Variants in ADCY3 observed in about 807,000 individuals in gnomAD.
The protein encoded by ADCY3 is adenylate cyclase type 3.
Under a neutral mutation model 119.4 loss-of-function variants are expected in ADCY3, and 70 were observed. The ratio of observed to expected loss-of-function variants is 0.59; its 90% CI spans 0.48 to 0.72. The LOEUF is 0.72. Ranked by LOEUF, ADCY3 falls within the 30% of genes least tolerant of loss-of-function variation. ADCY3 has a pLI of 0.00. For missense variants in ADCY3, 1,238 were observed against 1,541.6 expected (o/e 0.80, Z 3.30); for synonymous variants, 672 against 621.4 (o/e 1.08, Z -1.21).
intron 3 of ADCY3, among the ~76,000 whole-genome samples, chr2:24,862,932 TA>T (rs5829946): frequency 0.076 from 11,599 of 152,270 alleles, 577 homozygotes; most frequent in East Asian, 0.17. Flanking sequence ...AATAACTACT[TA>T]ACACTTATCT....
At chr2:24,850,082 A>C (rs1356137876) in intron 3 of ADCY3, among the ~76,000 whole-genome samples, 1 of 151,520 alleles carries the variant, frequency 6.6e-6, no homozygotes, top group Admixed American at 6.6e-5. Flanking sequence ...CTCTCTGTGG[A>C]ACATTCCTCC....
chr2:24,845,360 C>T (rs1009766550), intron 3 of ADCY3, among the ~76,000 whole-genome samples: 5 of 152,156 alleles, frequency 3.3e-5, no homozygotes, highest in Non-Finnish European at 7.3e-5. Context: ...GTTAGTGATA[C>T]GAACAATAAG....
At position 24,820,022 on chromosome 2, in the gene ADCY3, C is replaced by T; in HGVS notation, c.3345G>A (p.Leu1115=). Residue 1115 remains leucine, a synonymous_variant, in exon 22 of 22, where the codon CTG becomes CTA. Coordinates refer to ENST00000679454, the MANE Select transcript of ADCY3 (RefSeq NM_004036.5). ...TATCCCGCCCCTTCAAGAAGAAGGT[C>T]AGCAGCTCCCCCTTCCCCTTCACAA... is the stretch of plus-strand genomic sequence containing the variant. ...PIFVKGKGEL[L]TFFLKGRDKL... The T allele has an allele frequency of 6.2e-7, 1 of 1,611,854 alleles. No homozygotes were observed. Among genetic ancestry groups the T allele is most frequent in the East Asian group, 2.2e-5 (1 of 44,666 alleles).
Position 24,834,534 on chromosome 2 carries a change from A to G in ADCY3, c.1918T>C (p.Cys640Arg). The G allele has an allele frequency of 6.2e-7, 1 of 1,613,800 alleles. No homozygotes were observed. Among genetic ancestry groups the G allele is most frequent in the Non-Finnish European group, 8.5e-7 (1 of 1,179,992 alleles). Residue 640 changes from cysteine (C) to arginine (R), a missense_variant, in exon 11 of 22, where the codon TGC becomes CGC. This residue lies in a region of ADCY3 where 499 missense variants were observed against 571.0 expected (regional missense o/e 0.87). Transcript: ENST00000679454. This position sits in a 1 kb window ranked among gnomAD's most constrained non-coding sequence, Gnocchi z 4.2. The part of the protein sequence containing the change: ...KQSGAAFSCS[C>R]VVLLCTALVE... ...AGGGCCGTGCAGAGCAGGACGACGC[A>G]GGAGCAGCTGAAGGCAGCCCCACTC...
chr2:24,887,259 T>C (rs967978538), intron 2 of ADCY3, among the ~76,000 whole-genome samples: 19 of 152,132 alleles, frequency 1.2e-4, no homozygotes, highest in African/African-American at 4.6e-4. Flanking sequence ...GAGAACAGCA[T>C]GGGGGAAACC....
intron 19 of ADCY3, chr2:24,821,854 G>C (rs1667773426): frequency 1.7e-6 from 1 of 596,196 alleles, no homozygotes. Flanking sequence ...CTGGGCAATT[G>C]AGCAGAGGAG....
At chr2:24,856,594 C>G (rs1268847801) in intron 3 of ADCY3, among the ~76,000 whole-genome samples, 1 of 152,218 alleles carries the variant, frequency 6.6e-6, no homozygotes, top group African/African-American at 2.4e-5. Flanking sequence ...AGAGCCCAAA[C>G]AGCTCACCTC....
rs1024496846 is a variant in ADCY3, at chr2:24,899,306, T to C, written c.675+19007A>G. ...TCCGCTCTTCTGCCCTGTGAGGTGA[T>C]GACTGTATTGATTTTGATGCCTTCT... is the stretch of plus-strand genomic sequence containing the variant. On this transcript the variant is annotated intron_variant, in intron 2 of 21. Coordinates refer to ENST00000679454, the MANE Select transcript of ADCY3 (RefSeq NM_004036.5). This position sits in a 1 kb window ranked among gnomAD's most constrained non-coding sequence, Gnocchi z 4.5. Among the ~76,000 whole-genome samples the C allele has an allele frequency of 1.3e-5, 2 of 152,214 alleles. No homozygotes were observed. Among genetic ancestry groups the C allele is most frequent in the African/African-American group, 4.8e-5 (2 of 41,458 alleles).
At chr2:24,845,058 G>A (rs1337789704) in intron 3 of ADCY3, among the ~76,000 whole-genome samples, 3 of 152,148 alleles carry the variant, frequency 2.0e-5, no homozygotes, top group Non-Finnish European at 2.9e-5. Context: ...TTCACCTCCC[G>A]CCATGATTCT....
chr2:24,828,707 T>A (rs1011072256), intron 13 of ADCY3, among the ~76,000 whole-genome samples: 2 of 152,226 alleles, frequency 1.3e-5, no homozygotes, highest in African/African-American at 4.8e-5. Context: ...AACCCCCCCT[T>A]TTTGTAACTT....
At chr2:24,847,177 C>T (rs1671750480) in intron 3 of ADCY3, among the ~76,000 whole-genome samples, 1 of 152,132 alleles carries the variant, frequency 6.6e-6, no homozygotes. Context: ...CTTTCATGTG[C>T]TATTCTCGTG....
intron 8 of ADCY3, among the ~76,000 whole-genome samples, 188 bp from the exon 9 acceptor site, chr2:24,837,233 T>C (rs897777829): frequency 6.6e-6 from 1 of 152,108 alleles, no homozygotes; most frequent in Non-Finnish European, 1.5e-5. Context: ...CAGTTGTTAA[T>C]AAAAGGATGG....
At chr2:24,866,564 C>CAAAAAAAA (rs71397449) in intron 3 of ADCY3, among the ~76,000 whole-genome samples, 6 of 46,528 alleles carry the variant, frequency 1.3e-4, no homozygotes, top group East Asian at 6.6e-4. Context: ...GACCCTGTCT[C>CAAAAAAAA]AAAAAAAAAA....
At chr2:24,828,709 T>C (rs1022847547) in intron 13 of ADCY3, among the ~76,000 whole-genome samples, 5 of 152,252 alleles carry the variant, frequency 3.3e-5, no homozygotes, top group African/African-American at 9.6e-5. Context: ...CCCCCCCTTT[T>C]TGTAACTTTC....
intron 2 of ADCY3, among the ~76,000 whole-genome samples, chr2:24,902,363 G>A (rs1193035271): frequency 6.6e-6 from 1 of 152,042 alleles, no homozygotes; most frequent in Non-Finnish European, 1.5e-5. Context: ...TTATAGACGT[G>A]AGCCACCTTG....
rs1465324330 is a variant in ADCY3, at chr2:24,834,717, G to A, written c.1806-71C>T. 2 of 1,602,178 alleles carry A rather than the reference G, an allele frequency of 1.2e-6. No individual in the cohort carries two copies. Among genetic ancestry groups the A allele is most frequent in the Non-Finnish European group, 1.7e-6 (2 of 1,170,910 alleles). On this transcript the variant is annotated intron_variant, in intron 10 of 21. Coordinates refer to ENST00000679454, the MANE Select transcript of ADCY3 (RefSeq NM_004036.5). The surrounding 1 kb of genome is among the most constrained non-coding windows in gnomAD (Gnocchi z 4.2). ...TTGGCCTAGCAGGGGGGCCGTATTT[G>A]GGATGCTCAGTTTCCTGAATCCCTT...
intron 6 of ADCY3, among the ~76,000 whole-genome samples, chr2:24,840,854 C>T (rs1039006530): frequency 3.3e-5 from 5 of 152,234 alleles, no homozygotes; most frequent in African/African-American, 1.2e-4. Flanking sequence ...CTTACAGTCA[C>T]TGCATCACGA....
intron 2 of ADCY3, among the ~76,000 whole-genome samples, chr2:24,907,250 G>A (rs957385295): frequency 1.3e-5 from 2 of 151,926 alleles, no homozygotes; most frequent in African/African-American, 4.8e-5. Flanking sequence ...GGCAGCTGTC[G>A]CAGTCTTCCA....
chr2:24,887,601 C>T (rs116887722), intron 2 of ADCY3, among the ~76,000 whole-genome samples: 1 of 152,060 alleles, frequency 6.6e-6, no homozygotes, highest in East Asian at 1.9e-4. Context: ...TCTGTGGGCC[C>T]CCATGACCAC....
Sources: gnomAD v4.1 joint callset for allele counts (sites outside exome capture counted in the v4.1 genomes callset) on GRCh38, gnomAD v4.1.1 for gene constraint, gnomAD v4.1.1 regional missense constraint, Gnocchi (gnomAD v3.1) non-coding constraint, MANE v1.5 for transcripts, NCBI Gene and HGNC (gene_info 2026-07-23, HGNC 2026-07-21) for gene names.